EBF3: variants seen among roughly 807,000 people sequenced by gnomAD.
EBF3 encodes EBF transcription factor 3, also known as transcription factor COE3.
A neutral mutation model predicts 77.1 loss-of-function variants in EBF3; 18 were observed. The observed-to-expected ratio is 0.23, with a 90% confidence interval of 0.16 to 0.35. The LOEUF (loss-of-function observed/expected upper bound fraction) is 0.35, where lower values mean the gene tolerates loss of function less well. Among genes scored for constraint, EBF3 ranks in the 10% least tolerant of loss-of-function variants. EBF3 has a pLI of 1.00. For synonymous variants in EBF3, 350 were observed against 343.5 expected, an observed-to-expected ratio of 1.02 and a Z score of -0.21; for missense variants, 558 against 860.0, an observed-to-expected ratio of 0.65 and a Z score of 4.39.
chr10:129,867,993 G>T, intron 8 of EBF3, 81 bp from the exon 9 acceptor site: 1 of 1,555,188 alleles, frequency 6.4e-7, no homozygotes, highest in Middle Eastern at 1.9e-4. Context: ...CGCGCGTCCC[G>T]CGGCCACCGC....
In EBF3 at chr10:129,861,063, C is replaced by G. The variant is rs940514590; in HGVS notation, c.1039+6078G>C. Among the ~76,000 whole-genome samples the G allele has an allele frequency of 3.9e-5, 6 of 152,234 alleles. No homozygotes were observed. The highest frequency in any genetic ancestry group is 8.8e-5 in the Non-Finnish European group (6 of 68,052). On this transcript the variant is annotated intron_variant, in intron 10 of 16. Coordinates refer to ENST00000440978, the MANE Select transcript of EBF3 (RefSeq NM_001375380.1). The surrounding 1 kb of genome is among the most constrained non-coding windows in gnomAD (Gnocchi z 4.3). Reference sequence around the variant, plus strand: ...GGACAGCAGTGACCCTGGAAGCCCTCCCGGCCCCACTCTTCAAAGGGCCGT... The same window carrying G: ...GGACAGCAGTGACCCTGGAAGCCCTGCCGGCCCCACTCTTCAAAGGGCCGT...
Position 129,944,185 on chromosome 10 carries a change from T to C in EBF3, c.554+13073A>G, listed in dbSNP as rs1163590446. On this transcript the variant is annotated intron_variant, in intron 6 of 16. Transcript: ENST00000440978. This position sits in a 1 kb window ranked among gnomAD's most constrained non-coding sequence, Gnocchi z 5.1. ...TTATACAACAAGAATAAAATCAATT[T>C]GCAAGGCCGGTCCGGCATCCAGTTA... is the stretch of plus-strand genomic sequence containing the variant. 1.3e-5 allele frequency among the ~76,000 whole-genome samples: 2 copies of C among 152,218 alleles called. No homozygotes were observed. Among genetic ancestry groups the C allele is most frequent in the East Asian group, 3.8e-4 (2 of 5,204 alleles).
chr10:129,930,311 TC>T (rs56413411), intron 6 of EBF3, among the ~76,000 whole-genome samples: 1 of 152,040 alleles, frequency 6.6e-6, no homozygotes, highest in East Asian at 1.9e-4. Flanking sequence ...CCTTAACAAA[TC>T]CCCCTCTCAT....
At chr10:129,942,098 C>A (rs1409099536) in intron 6 of EBF3, among the ~76,000 whole-genome samples, 1 of 152,244 alleles carries the variant, frequency 6.6e-6, no homozygotes, top group Admixed American at 6.5e-5. Context: ...CTCACCCACT[C>A]AGGGCACCAG....
At chr10:129,920,001 A>G (rs1418697155) in intron 6 of EBF3, among the ~76,000 whole-genome samples, 1 of 146,146 alleles carries the variant, frequency 6.8e-6, no homozygotes, top group East Asian at 2.1e-4. Flanking sequence ...GAGGGCCATA[A>G]ACCCGCCCCA....
At chr10:129,894,772 C>G (rs964134725) in intron 6 of EBF3, among the ~76,000 whole-genome samples, 8 of 152,244 alleles carry the variant, frequency 5.3e-5, no homozygotes, top group Non-Finnish European at 1.2e-4. Flanking sequence ...TCAACATCAT[C>G]TGTTTTCAAC....
In EBF3 at chr10:129,837,418, T is replaced by C; in HGVS notation, c.*525A>G. On this transcript the variant is annotated 3_prime_UTR_variant, in exon 17 of 17. Coordinates refer to ENST00000440978, the MANE Select transcript of EBF3 (RefSeq NM_001375380.1). The stretch of plus-strand genomic sequence containing the variant: ...TCCTCATCATATAGTCATCCTTTTT[T>C]CCAGTCTGATGGCTCATACCTCCTT... 6.5e-6 allele frequency: 1 copy of C among 153,986 alleles called. No homozygotes were observed. The allele number at this position is 153,986 out of a possible 1,614,324, so 9.5% of individuals were successfully genotyped here.
intron 6 of EBF3, among the ~76,000 whole-genome samples, chr10:129,912,872 T>G (rs1413734332): frequency 6.6e-6 from 1 of 152,220 alleles, no homozygotes; most frequent in Admixed American, 6.5e-5. Context: ...CAGGAAGAAA[T>G]CTGTATGCAG....
chr10:129,934,339 G>A (rs1483701789), intron 6 of EBF3, among the ~76,000 whole-genome samples: 3 of 152,042 alleles, frequency 2.0e-5, no homozygotes, highest in Non-Finnish European at 4.4e-5. Context: ...GGGTCCAGCG[G>A]GTACTGAGGA....
intron 6 of EBF3, among the ~76,000 whole-genome samples, chr10:129,921,049 AAAG>A (rs1414865807): frequency 3.9e-5 from 6 of 152,224 alleles, no homozygotes; most frequent in African/African-American, 1.4e-4. Context: ...GGGCAGGACC[AAAG>A]AAGCTCCAGC....
intron 6 of EBF3, among the ~76,000 whole-genome samples, chr10:129,888,106 G>A (rs1853739465): frequency 6.6e-6 from 1 of 152,240 alleles, no homozygotes; most frequent in Admixed American, 6.5e-5. Context: ...CAGTTTCGTT[G>A]TCCTCGATGG....
chr10:129,890,648 T>G (rs1853959421), intron 6 of EBF3, among the ~76,000 whole-genome samples: 1 of 152,278 alleles, frequency 6.6e-6, no homozygotes, highest in Non-Finnish European at 1.5e-5. Flanking sequence ...CCACAGATGC[T>G]AAGCAACTTC....
chr10:129,961,435 A>C (rs1859512897), intron 4 of EBF3, among the ~76,000 whole-genome samples: 1 of 152,228 alleles, frequency 6.6e-6, no homozygotes, highest in Non-Finnish European at 1.5e-5. Context: ...AAAAGCAGTG[A>C]CGCACTTTTC....
intron 11 of EBF3, among the ~76,000 whole-genome samples, chr10:129,843,876 G>A (rs1480439420): frequency 2.6e-5 from 4 of 152,146 alleles, no homozygotes; most frequent in Admixed American, 2.6e-4. Flanking sequence ...GCTGTGCCTG[G>A]GGGCTTGGAT....
rs1304117860 is a variant in EBF3 at position 129,952,385 on chromosome 10, A to C, written c.554+4873T>G. On this transcript the variant is annotated intron_variant, in intron 6 of 16. Transcript: ENST00000440978. This position sits in a 1 kb window ranked among gnomAD's most constrained non-coding sequence, Gnocchi z 4.7. The stretch of plus-strand genomic sequence containing the variant: ...TGAATAGAAAACCTTGGATCCCTAA[A>C]TGATGTGTAATTAATATTATTTTTA... Among the ~76,000 whole-genome samples, 1 of 152,244 alleles carries C rather than the reference A, an allele frequency of 6.6e-6. No individual in the cohort carries two copies. The highest frequency in any genetic ancestry group is 6.5e-5 in the Admixed American group (1 of 15,294).
At chr10:129,840,786 T>A in intron 14 of EBF3, 58 bp downstream of exon 14, 2 of 1,561,976 alleles carry the variant, frequency 1.3e-6, no homozygotes, top group Non-Finnish European at 1.7e-6. Context: ...ATGCACACAC[T>A]CGACTCGGTA....
intron 8 of EBF3, among the ~76,000 whole-genome samples, chr10:129,869,428 C>G (rs972493211): frequency 6.6e-6 from 1 of 152,128 alleles, no homozygotes; most frequent in Admixed American, 6.5e-5. Context: ...TTTGCTCCCC[C>G]ACGGCTCTCC....
Position 129,943,495 on chromosome 10 carries a change from G to A in EBF3, c.554+13763C>T, listed in dbSNP as rs955124632. On this transcript the variant is annotated intron_variant, in intron 6 of 16. Coordinates refer to ENST00000440978, the MANE Select transcript of EBF3 (RefSeq NM_001375380.1). The surrounding 1 kb of genome is among the most constrained non-coding windows in gnomAD (Gnocchi z 8.8). ...ATCATTATATAACTGTAAACTTCTG[G>A]AGGTTAGAGATTGGATAATTTCTTT... Among the ~76,000 whole-genome samples the A allele has an allele frequency of 2.6e-5, 4 of 152,134 alleles. No homozygotes were observed. In the East Asian group the frequency reaches 7.7e-4, roughly 29 times the overall value.
chr10:129,889,631 T>C (rs1291052505), intron 6 of EBF3, among the ~76,000 whole-genome samples: 1 of 152,160 alleles, frequency 6.6e-6, no homozygotes, highest in Non-Finnish European at 1.5e-5. Flanking sequence ...AGAAGACAGA[T>C]GCAGGGGAAT....
Sources: gnomAD v4.1 joint callset for allele counts (sites outside exome capture counted in the v4.1 genomes callset) on GRCh38, gnomAD v4.1.1 for gene constraint, Gnocchi (gnomAD v3.1) non-coding constraint, MANE v1.5 for transcripts, NCBI Gene and HGNC (gene_info 2026-07-23, HGNC 2026-07-21) for gene names.